Variants in FRAT1 observed in about 807,000 individuals in gnomAD.
FRAT1 encodes the protein FRAT regulator of Wnt signaling pathway 1.
FRAT1 carries 9 observed loss-of-function variants against 16.9 expected under a neutral mutation model. The observed-to-expected ratio is 0.53, with a 90% confidence interval of 0.32 to 0.93. The LOEUF is 0.93. Ranked by LOEUF, FRAT1 falls within the 40% of genes least tolerant of loss-of-function variation. The probability of loss-of-function intolerance (pLI) is 0.04; values close to 1 mark genes in which losing one functional copy is unlikely to be tolerated. For missense variants in FRAT1, 354 were observed against 402.8 expected (o/e 0.88, Z 1.04); for synonymous variants, 191 against 202.1 (o/e 0.95, Z 0.46).
chr10:97,320,258 A>C lies in FRAT1; in HGVS notation c.805A>C (p.Arg269=). 6.3e-7 allele frequency: 1 copy of C among 1,594,596 alleles called. No individual in the cohort carries two copies. Among genetic ancestry groups the C allele is most frequent in the Non-Finnish European group, 8.5e-7 (1 of 1,171,010 alleles). ...TGGCGCCTCCGGGAGGGCGCAGCTC[A>C]GAACTGGCGACGGCGTTCTTGTGCC... ...DPGASGRAQL[R]TGDGVLVPGS The change falls in exon 1 of 1, where the codon AGA becomes CGA. Residue 269 remains arginine (R), a synonymous_variant. Coordinates refer to ENST00000371021, the MANE Select transcript of FRAT1 (RefSeq NM_005479.4).
In FRAT1 at chr10:97,321,103, A is replaced by C. The variant is rs1477261809; in HGVS notation, c.*810A>C. On this transcript the variant is annotated 3_prime_UTR_variant, in exon 1 of 1. Coordinates refer to ENST00000371021, the MANE Select transcript of FRAT1 (RefSeq NM_005479.4). ...CTGGGCACGCACTGGGTTGCGGGAC[A>C]GAGTAGCCAGGTTCTGCCGGTGCTC... 1.2e-5 allele frequency: 2 copies of C among 167,208 alleles called. No homozygotes were observed. The allele number at this position is 167,208 out of a possible 1,614,324, so 10.4% of individuals were successfully genotyped here. A position where few individuals can be genotyped will look rare whatever the true frequency, so the allele number is the denominator to read the frequency against.
At position 97,320,427 on chromosome 10, in the gene FRAT1, G is replaced by GA. The variant is rs1261063161; in HGVS notation, c.*139dup. The GA allele has an allele frequency of 7.6e-6, 7 of 927,042 alleles. No individual in the cohort carries two copies. In the Admixed American group the frequency reaches 1.9e-4, roughly 25 times the overall value. 57.4% of individuals were successfully genotyped at this position (927,042 alleles called of 1,614,324 possible). ...AGTAAAAAGCTAATGACGAGGAACC[G>GA]AAAAATCGCGAGTGTTTCGCGGGTA... is the stretch of plus-strand genomic sequence containing the variant. On this transcript the variant is annotated 3_prime_UTR_variant, in exon 1 of 1. Coordinates refer to ENST00000371021, the MANE Select transcript of FRAT1 (RefSeq NM_005479.4).
chr10:97,320,060 C>T lies in FRAT1; in HGVS notation c.607C>T (p.Leu203=), dbSNP rs562965940. ...RTGDDDPHRL[L]QQLVLSGNLI... ...AGGCGACGACGACCCGCACCGGCTT[C>T]TGCAGCAGCTAGTGCTCTCTGGAAA... Residue 203 remains leucine (L), a synonymous_variant, in exon 1 of 1, where the codon CTG becomes TTG. Transcript: ENST00000371021. The T allele has an allele frequency of 1.3e-6, 2 of 1,588,866 alleles. No homozygotes were observed. Among genetic ancestry groups the T allele is most frequent in the Non-Finnish European group, 1.7e-6 (2 of 1,168,430 alleles).
In FRAT1 at chr10:97,321,664, CTGT is replaced by C. The variant is rs1353947687; in HGVS notation, c.*1376_*1378del. ...TCACTCTAAAGGCGCTGAGACTGTG[CTGT>C]TGTTCTCGTTTTTATAGTCAATGGC... is the stretch of plus-strand genomic sequence containing the variant. On this transcript the variant is annotated 3_prime_UTR_variant, in exon 1 of 1. Coordinates refer to ENST00000371021, the MANE Select transcript of FRAT1 (RefSeq NM_005479.4). 10 of 167,250 alleles carry C rather than the reference CTGT, an allele frequency of 6.0e-5. 1 individual carries two copies. Among genetic ancestry groups the C allele is most frequent in the East Asian group, 3.9e-4 (2 of 5,194 alleles). The allele number at this position is 167,250 out of a possible 1,614,324, so 10.4% of individuals were successfully genotyped here.
At position 97,319,363 on chromosome 10, in the gene FRAT1, TCCGCGCCCGCTCCGCCGCGGCCCA is replaced by T. The variant is rs1291671062; in HGVS notation, c.-80_-57del. The T allele has an allele frequency of 1.3e-5, 16 of 1,266,044 alleles. No homozygotes were observed. The highest frequency in any genetic ancestry group is 4.3e-5 in the Admixed American group (1 of 23,334). 78.4% of individuals were successfully genotyped at this position (1,266,044 alleles called of 1,614,324 possible). Reference sequence around the variant, plus strand: ...CCCCGGTCCAGACTTAGTCTTCAGCTCCGCGCCCGCTCCGCCGCGGCCCACCGCGCCCGCCGGCAGCCGAGCCCC... The same window carrying T: ...CCCCGGTCCAGACTTAGTCTTCAGCTCCGCGCCCGCCGGCAGCCGAGCCCC... On this transcript the variant is annotated 5_prime_UTR_variant, in exon 1 of 1. Transcript: ENST00000371021.
At position 97,320,014 on chromosome 10, in the gene FRAT1, G is replaced by A. The variant is rs758451050; in HGVS notation, c.561G>A (p.Gly187=). 1.3e-6 allele frequency: 2 copies of A among 1,558,728 alleles called. No homozygotes were observed. The highest frequency in any genetic ancestry group is 2.3e-5 in the South Asian group (2 of 85,272). ...AASRRLQQRR[G]SQPETRTGDD... is the part of the protein sequence containing the mutation. ...CCCGCCGCCTGCAGCAGCGACGCGG[G>A]TCCCAACCAGAAACCCGCACAGGCG... The change falls in exon 1 of 1, where the codon GGG becomes GGA. Residue 187 remains glycine, a synonymous_variant. Transcript: ENST00000371021.
chr10:97,319,568 G>C lies in FRAT1; in HGVS notation c.115G>C (p.Glu39Gln), dbSNP rs1178853791. The part of the protein sequence containing the change: ...QQSVALGSSG[E>Q]VDRLVAQIGE... ...GTCAGTGGCGCTGGGCAGCTCGGGC[G>C]AGGTGGACCGGCTGGTGGCCCAGAT... Residue 39 changes from glutamate (E) to glutamine (Q), a missense_variant, in exon 1 of 1, where the codon GAG becomes CAG. Glu to Gln is a conservative substitution (Grantham distance 29). Around this residue, in one of 3 missense-constraint regions of FRAT1, gnomAD observed 22 missense variants for 54.1 expected, o/e 0.41. Coordinates refer to ENST00000371021, the MANE Select transcript of FRAT1 (RefSeq NM_005479.4). 1 of 1,464,986 alleles carries C rather than the reference G, an allele frequency of 6.8e-7. No individual in the cohort carries two copies. The highest frequency in any genetic ancestry group is 9.0e-7 in the Non-Finnish European group (1 of 1,109,850). 90.7% of individuals were successfully genotyped at this position (1,464,986 alleles called of 1,614,324 possible).
chr10:97,319,833 C>T lies in FRAT1; in HGVS notation c.380C>T (p.Pro127Leu). 6.9e-7 allele frequency: 1 copy of T among 1,458,880 alleles called. No individual in the cohort carries two copies. The highest frequency in any genetic ancestry group is 9.0e-7 in the Non-Finnish European group (1 of 1,116,160). The allele number at this position is 1,458,880 out of a possible 1,614,324, so 90.4% of individuals were successfully genotyped here. Residue 127 changes from proline to leucine, a missense_variant, in exon 1 of 1, where the codon CCC (proline) becomes CTC (leucine). This residue lies in a region of FRAT1 where 286 missense variants were observed against 311.0 expected (regional missense o/e 0.92). Coordinates refer to ENST00000371021, the MANE Select transcript of FRAT1 (RefSeq NM_005479.4). ...DRGRVRGRAA[P>L]YCVAELATGP... ...GGCCGCGTGCGGGGCCGCGCTGCGC[C>T]CTACTGCGTGGCCGAGCTCGCCACA...
chr10:97,319,693 G>A lies in FRAT1; in HGVS notation c.240G>A (p.Ala80=). The change falls in exon 1 of 1, where the codon GCG becomes GCA. Residue 80 remains alanine (A), a synonymous_variant. Coordinates refer to ENST00000371021, the MANE Select transcript of FRAT1 (RefSeq NM_005479.4). ...GGGCCCCGGGGCCCCTGGCTGCGGC[G>A]GTGCCGGCGGACAAGGCCAGGTCCC... is the stretch of plus-strand genomic sequence containing the variant. ...PLRAPGPLAA[A]VPADKARSPA... is the part of the protein sequence containing the mutation. 1.7e-6 allele frequency: 2 copies of A among 1,171,628 alleles called. No individual in the cohort carries two copies. Among genetic ancestry groups the A allele is most frequent in the Non-Finnish European group, 2.1e-6 (2 of 950,740 alleles). 72.6% of individuals were successfully genotyped at this position (1,171,628 alleles called of 1,614,324 possible). A position where few individuals can be genotyped will look rare whatever the true frequency, so the allele number is the denominator to read the frequency against.
In FRAT1 at chr10:97,319,885, C is replaced by G; in HGVS notation, c.432C>G (p.Pro144=). The change falls in exon 1 of 1, where the codon CCC becomes CCG. Residue 144 remains proline, a synonymous_variant. Coordinates refer to ENST00000371021, the MANE Select transcript of FRAT1 (RefSeq NM_005479.4). ...ATGPSALSPL[P]PQADLDGPPG... is the part of the protein sequence containing the mutation. ...GCCCCAGCGCGCTGTCCCCACTGCC[C>G]CCTCAGGCCGACCTTGATGGGCCTC... The G allele has an allele frequency of 6.5e-7, 1 of 1,528,108 alleles. No homozygotes were observed. Among genetic ancestry groups the G allele is most frequent in the Non-Finnish European group, 8.7e-7 (1 of 1,144,072 alleles). 94.7% of individuals were successfully genotyped at this position (1,528,108 alleles called of 1,614,324 possible).
rs367670067 is a variant in FRAT1, at chr10:97,320,244, G to A, written c.791G>A (p.Gly264Glu). ...GCCTGCAGTGACCCTGGCGCCTCCGGGAGGGCGCAGCTCAGAACTGGCGAC... is the reference window on the plus strand; with the variant it reads ...GCCTGCAGTGACCCTGGCGCCTCCGAGAGGGCGCAGCTCAGAACTGGCGAC... ...RAACSDPGAS[G>E]RAQLRTGDGV... is the part of the protein sequence containing the mutation. The change falls in exon 1 of 1, where the codon GGG becomes GAG. Residue 264 changes from glycine to glutamate, a missense_variant. By Grantham distance (98) the Gly-to-Glu change is moderately conservative (BLOSUM62 -2). This residue lies in a region of FRAT1 where 286 missense variants were observed against 311.0 expected (regional missense o/e 0.92). Coordinates refer to ENST00000371021, the MANE Select transcript of FRAT1 (RefSeq NM_005479.4). 4 of 1,602,980 alleles carry A rather than the reference G, an allele frequency of 2.5e-6. No individual in the cohort carries two copies. The African/African-American group carries it at 5.4e-5, about 22-fold the overall frequency.
At position 97,321,114 on chromosome 10, in the gene FRAT1, G is replaced by T. The variant is rs1334891; in HGVS notation, c.*821G>T. On this transcript the variant is annotated 3_prime_UTR_variant, in exon 1 of 1. Transcript: ENST00000371021. The stretch of plus-strand genomic sequence containing the variant: ...CTGGGTTGCGGGACAGAGTAGCCAG[G>T]TTCTGCCGGTGCTCGGAGAAGAGCG... 41,251 of 167,120 alleles carry T rather than the reference G, an allele frequency of 0.25. 6,053 individuals carry two copies. Among genetic ancestry groups the T allele is most frequent in the East Asian group, 0.38 (1,976 of 5,170 alleles). 10.4% of individuals were successfully genotyped at this position (167,120 alleles called of 1,614,324 possible). A position where few individuals can be genotyped will look rare whatever the true frequency, so the allele number is the denominator to read the frequency against.
chr10:97,319,782 T>G lies in FRAT1; in HGVS notation c.329T>G (p.Val110Gly), dbSNP rs932064245. The change falls in exon 1 of 1, where the codon GTC (valine) becomes GGC (glycine). Residue 110 changes from valine to glycine, a missense_variant. This residue lies in a region of FRAT1 where 286 missense variants were observed against 311.0 expected (regional missense o/e 0.92). Coordinates refer to ENST00000371021, the MANE Select transcript of FRAT1 (RefSeq NM_005479.4). ...AETVGPAPPGVLRCALGDRGR... is the reference protein window; with the variant it reads ...AETVGPAPPGGLRCALGDRGR... ...ACTGTGGGCCCGGCGCCCCCTGGGGTCCTGCGCTGCGCCCTGGGGGACCGC... is the reference window on the plus strand; with the variant it reads ...ACTGTGGGCCCGGCGCCCCCTGGGGGCCTGCGCTGCGCCCTGGGGGACCGC... 1 of 1,314,332 alleles carries G rather than the reference T, an allele frequency of 7.6e-7. No homozygotes were observed. The highest frequency in any genetic ancestry group is 9.6e-7 in the Non-Finnish European group (1 of 1,040,718). The allele number at this position is 1,314,332 out of a possible 1,614,324, so 81.4% of individuals were successfully genotyped here.
chr10:97,320,516 C>T lies in FRAT1; in HGVS notation c.*223C>T. On this transcript the variant is annotated 3_prime_UTR_variant, in exon 1 of 1. Coordinates refer to ENST00000371021, the MANE Select transcript of FRAT1 (RefSeq NM_005479.4). Reference sequence around the variant, plus strand: ...TTGGCCCTATTTAAGGCAGATTTTACAGAGCGCACCTCAAACGTACAAGTC... The same window carrying T: ...TTGGCCCTATTTAAGGCAGATTTTATAGAGCGCACCTCAAACGTACAAGTC... 1.8e-6 allele frequency: 1 copy of T among 556,352 alleles called. No individual in the cohort carries two copies. Among genetic ancestry groups the T allele is most frequent in the Non-Finnish European group, 3.2e-6 (1 of 312,066 alleles). The allele number at this position is 556,352 out of a possible 1,614,324, so 34.5% of individuals were successfully genotyped here.
Position 97,319,641 on chromosome 10 carries a change from C to T in FRAT1, c.188C>T (p.Pro63Leu). The T allele has an allele frequency of 1.6e-6, 2 of 1,244,634 alleles. No individual in the cohort carries two copies. Among genetic ancestry groups the T allele is most frequent in the Non-Finnish European group, 2.0e-6 (2 of 993,874 alleles). 77.1% of individuals were successfully genotyped at this position (1,244,634 alleles called of 1,614,324 possible). A position where few individuals can be genotyped will look rare whatever the true frequency, so the allele number is the denominator to read the frequency against. ...GCGGCGCAGCACAGCCCGGCCTCGC[C>T]GTGCGGGCCCCCGGGGGCGCCGCTG... Reference protein sequence around the residue: ...LDAAQHSPASPCGPPGAPLRA... With the variant: ...LDAAQHSPASLCGPPGAPLRA... Residue 63 changes from proline (P) to leucine (L), a missense_variant, in exon 1 of 1, where the codon CCG becomes CTG. Around this residue, in one of 3 missense-constraint regions of FRAT1, gnomAD observed 22 missense variants for 54.1 expected, o/e 0.41. Transcript: ENST00000371021.
chr10:97,321,855 GA>G lies in FRAT1; in HGVS notation c.*1567del. ...GTTTTATTTTATACTTGCCATCAGT[GA>G]AAAAGATGTACAGAACACATTTCTC... is the stretch of plus-strand genomic sequence containing the variant. On this transcript the variant is annotated 3_prime_UTR_variant, in exon 1 of 1. Coordinates refer to ENST00000371021, the MANE Select transcript of FRAT1 (RefSeq NM_005479.4). 6.0e-6 allele frequency: 1 copy of G among 167,134 alleles called. No individual in the cohort carries two copies. The allele number at this position is 167,134 out of a possible 1,614,324, so 10.4% of individuals were successfully genotyped here.
Position 97,319,979 on chromosome 10 carries a change from G to T in FRAT1, c.526G>T (p.Ala176Ser), listed in dbSNP as rs554985083. 140 of 1,544,656 alleles carry T rather than the reference G, an allele frequency of 9.1e-5. No homozygotes were observed. In the East Asian group the frequency reaches 3.2e-3, roughly 35 times the overall value. ...GPCRRGWLRG[A>S]AASRRLQQRR... Reference sequence around the variant, plus strand: ...GTGCCGGCGAGGATGGCTCCGGGGCGCCGCCGCCTCCCGCCGCCTGCAGCA... The same window carrying T: ...GTGCCGGCGAGGATGGCTCCGGGGCTCCGCCGCCTCCCGCCGCCTGCAGCA... Residue 176 changes from alanine (A) to serine (S), a missense_variant, in exon 1 of 1, where the codon GCC becomes TCC. Ala to Ser is a moderately conservative substitution (Grantham distance 99). This residue lies in a region of FRAT1 where 286 missense variants were observed against 311.0 expected (regional missense o/e 0.92). Transcript: ENST00000371021.
rs1843450851 is a variant in FRAT1, at chr10:97,320,429, A to G, written c.*136A>G. 9 of 931,944 alleles carry G rather than the reference A, an allele frequency of 9.7e-6. No homozygotes were observed. Among genetic ancestry groups the G allele is most frequent in the Non-Finnish European group, 1.4e-5 (9 of 638,872 alleles). The allele number at this position is 931,944 out of a possible 1,614,324, so 57.7% of individuals were successfully genotyped here. ...TAAAAAGCTAATGACGAGGAACCGA[A>G]AAATCGCGAGTGTTTCGCGGGTAAC... On this transcript the variant is annotated 3_prime_UTR_variant, in exon 1 of 1. Transcript: ENST00000371021.
Position 97,319,777 on chromosome 10 carries a change from T to A in FRAT1, c.324T>A (p.Pro108=), listed in dbSNP as rs1277544608. The change falls in exon 1 of 1, where the codon CCT becomes CCA. Residue 108 remains proline (P), a synonymous_variant. Transcript: ENST00000371021. ...ALAETVGPAP[P]GVLRCALGDR... is the part of the protein sequence containing the mutation. ...CGGAGACTGTGGGCCCGGCGCCCCC[T>A]GGGGTCCTGCGCTGCGCCCTGGGGG... 38 of 1,275,236 alleles carry A rather than the reference T, an allele frequency of 3.0e-5. No homozygotes were observed. The highest frequency in any genetic ancestry group is 3.3e-5 in the Non-Finnish European group (34 of 1,017,144). The allele number at this position is 1,275,236 out of a possible 1,614,324, so 79.0% of individuals were successfully genotyped here.
Sources: allele counts gnomAD v4.1 joint callset, GRCh38; gene constraint gnomAD v4.1.1; regional missense constraint gnomAD v4.1.1; transcripts MANE v1.5; gene names NCBI Gene and HGNC (gene_info 2026-07-23, HGNC 2026-07-21).